Variants in ATM observed in about 807,000 individuals in gnomAD.
The protein encoded by ATM is ATM serine/threonine kinase, also known as serine-protein kinase ATM.
Under a neutral mutation model 387.0 loss-of-function variants are expected in ATM, and 308 were observed. The observed-to-expected ratio is 0.80, with a 90% CI of 0.73 to 0.87. ATM has a LOEUF of 0.87. Ranked by LOEUF, ATM falls within the 40% of genes least tolerant of loss-of-function variation. ATM has a pLI of 0.00. For synonymous variants in ATM, 1,156 were observed against 1,187.3 expected (o/e 0.97, Z 0.54); for missense variants, 3,312 against 3,560.9 (o/e 0.93, Z 1.78).
rs145688268 is a variant in ATM at position 108,266,379 on chromosome 11, G to A, written c.2467-792G>A. 6.9e-3 allele frequency among the ~76,000 whole-genome samples: 1,047 copies of A among 151,256 alleles called. 16 individuals carry two copies. The highest frequency in any genetic ancestry group is 0.023 in the African/African-American group (968 of 41,198). ...AAATCATCATTCTCAGTAAACTGTCGCAAGAAGAAAAAACCAAACACCGCA... is the reference window on the plus strand; with the variant it reads ...AAATCATCATTCTCAGTAAACTGTCACAAGAAGAAAAAACCAAACACCGCA... On this transcript the variant is annotated intron_variant, in intron 16 of 62. Coordinates refer to ENST00000675843, the MANE Select transcript of ATM (RefSeq NM_000051.4).
At chr11:108,335,381 A>C (rs963710122) in intron 55 of ATM, 12 of 970,548 alleles carry the variant, frequency 1.2e-5, no homozygotes, top group Non-Finnish European at 1.7e-5. Context: ...GCTTCTTATG[A>C]AAAAAAATAC....
rs549840997 is a variant in ATM at position 108,241,191 on chromosome 11, A to G, written c.497-2762A>G. 5.3e-5 allele frequency among the ~76,000 whole-genome samples: 8 copies of G among 152,206 alleles called. 1 individual carries two copies. The South Asian group carries it at 1.7e-3, about 31-fold the overall frequency. ...CCCTGGGAGATCTTCAGGGACATGC[A>G]CAGAGCTTTCATCTCCTATGATAAT... On this transcript the variant is annotated intron_variant, in intron 5 of 62. Transcript: ENST00000675843.
At chr11:108,234,192 C>T (rs913376891) in intron 4 of ATM, among the ~76,000 whole-genome samples, 2 of 152,038 alleles carry the variant, frequency 1.3e-5, no homozygotes, top group Non-Finnish European at 2.9e-5. Flanking sequence ...CTGGACAATG[C>T]CTAAAATTAT....
At position 108,363,493 on chromosome 11, in the gene ATM, C is replaced by A. The variant is rs571454335; in HGVS notation, c.8851-1589C>A. ...GCTTAGCCAAGAGCAGTTTTGTCCCCTAGAGGACAGTTGGCAATGTCTGGA... is the reference window on the plus strand; with the variant it reads ...GCTTAGCCAAGAGCAGTTTTGTCCCATAGAGGACAGTTGGCAATGTCTGGA... On this transcript the variant is annotated intron_variant, in intron 61 of 62. Coordinates refer to ENST00000675843, the MANE Select transcript of ATM (RefSeq NM_000051.4). Among the ~76,000 whole-genome samples, 382 of 152,284 alleles carry A rather than the reference C, an allele frequency of 2.5e-3. 1 individual carries two copies. The highest frequency in any genetic ancestry group is 8.8e-3 in the African/African-American group (365 of 41,552).
In ATM at chr11:108,316,444, A is replaced by G. The variant is rs533577387; in HGVS notation, c.6198+331A>G. ...CCAGGTAGTGTACTTACTGCTTCAC[A>G]TGGAAAATCTTATGTAAACTATTTC... On this transcript the variant is annotated intron_variant, in intron 42 of 62. Coordinates refer to ENST00000675843, the MANE Select transcript of ATM (RefSeq NM_000051.4). Among the ~76,000 whole-genome samples, 14 of 152,276 alleles carry G rather than the reference A, an allele frequency of 9.2e-5. 1 individual carries two copies. Among genetic ancestry groups the G allele is most frequent in the Admixed American group, 2.6e-4 (4 of 15,300 alleles).
At chr11:108,317,652 T>TATATATACACACACACACACAC (rs1399501257) in intron 43 of ATM, 131 bp downstream of exon 43, 4 of 117,466 alleles carry the variant, frequency 3.4e-5, no homozygotes, top group South Asian at 2.9e-4. Flanking sequence ...TATATATATA[T>TATATATACACACACACACACAC]ACACACACAC....
intron 5 of ATM, among the ~76,000 whole-genome samples, chr11:108,238,863 G>A (rs1357296068): frequency 6.6e-6 from 1 of 152,036 alleles, no homozygotes; most frequent in Non-Finnish European, 1.5e-5. Context: ...GTGTACAGTT[G>A]TGTAGTATTA....
At chr11:108,319,637 A>G (rs1396102595) in intron 43 of ATM, among the ~76,000 whole-genome samples, 1 of 152,214 alleles carries the variant, frequency 6.6e-6, no homozygotes, top group Non-Finnish European at 1.5e-5. Context: ...ATGAGAGTAA[A>G]GACCTGATCT....
intron 60 of ATM, 134 bp from the exon 61 acceptor site, chr11:108,354,677 T>C (rs1213854326): frequency 7.3e-6 from 6 of 822,728 alleles, no homozygotes; most frequent in Non-Finnish European, 1.3e-5. Context: ...CCAAGTATTA[T>C]GCTATTTTGA....
Position 108,263,248 on chromosome 11 carries a change from C to T in ATM, c.2467-3923C>T, listed in dbSNP as rs371933573. 5.8e-3 allele frequency among the ~76,000 whole-genome samples: 815 copies of T among 140,458 alleles called. 18 individuals carry two copies. In the East Asian group the frequency reaches 0.1, roughly 18 times the overall value. The allele number at this position is 140,458 out of a possible 152,430, so 92.1% of individuals were successfully genotyped here. On this transcript the variant is annotated intron_variant, in intron 16 of 62. Coordinates refer to ENST00000675843, the MANE Select transcript of ATM (RefSeq NM_000051.4). The stretch of plus-strand genomic sequence containing the variant: ...ACATACTGGGAAGTAAAGCTCTCCT[C>T]AGCAAATGTAAAAGAACAGAAATTA...
At chr11:108,310,417 A>G in intron 39 of ATM, 102 bp downstream of exon 39, 1 of 1,061,202 alleles carries the variant, frequency 9.4e-7, no homozygotes, top group Non-Finnish European at 1.3e-6. Context: ...CCCATTTAAA[A>G]GATATTTTAG....
rs879254240 is a variant in ATM, at chr11:108,343,283, G to T, written c.8330G>T (p.Gly2777Val). The part of the protein sequence containing the change: ...LEWCTGTVPI[G>V]EFLVNNEDGA... ...TGGTGCACAGGAACTGTCCCCATTGGTGAATTTCTTGTTAACAATGAAGAT... is the reference window on the plus strand; with the variant it reads ...TGGTGCACAGGAACTGTCCCCATTGTTGAATTTCTTGTTAACAATGAAGAT... The change falls in exon 57 of 63, where the codon GGT (glycine) becomes GTT (valine). Residue 2777 changes from glycine (G) to valine (V), a missense_variant. This residue lies in a region of ATM where 1,405 missense variants were observed against 1,604.4 expected (regional missense o/e 0.88). Coordinates refer to ENST00000675843, the MANE Select transcript of ATM (RefSeq NM_000051.4). 1 of 1,614,020 alleles carries T rather than the reference G, an allele frequency of 6.2e-7. No homozygotes were observed.
chr11:108,256,284 A>T lies in ATM; in HGVS notation c.2194A>T (p.Met732Leu), dbSNP rs1415360560. The change falls in exon 14 of 63, where the codon ATG becomes TTG. Residue 732 changes from methionine to leucine, a missense_variant. Physicochemically the swap from Met to Leu is conservative, Grantham distance 15. Coordinates refer to ENST00000675843, the MANE Select transcript of ATM (RefSeq NM_000051.4). ...GGGTGTCCTTGGCTGCTACTGTTAC[A>T]TGGGTGTAATAGCTGAAGAGGAAGC... ...LVGVLGCYCY[M>L]GVIAEEEAYK... 2 of 1,611,248 alleles carry T rather than the reference A, an allele frequency of 1.2e-6. No homozygotes were observed. The highest frequency in any genetic ancestry group is 1.3e-5 in the African/African-American group (1 of 74,882).
intron 61 of ATM, among the ~76,000 whole-genome samples, chr11:108,357,965 G>A (rs2090225406): frequency 6.7e-6 from 1 of 149,850 alleles, no homozygotes; most frequent in Non-Finnish European, 1.5e-5. Flanking sequence ...GACGAGCTGA[G>A]AGAAGAAGGC....
At chr11:108,339,622 A>G (rs1043791772) in intron 56 of ATM, among the ~76,000 whole-genome samples, 1 of 152,076 alleles carries the variant, frequency 6.6e-6, no homozygotes, top group African/African-American at 2.4e-5. Context: ...TTGAAATTCA[A>G]ATTCAGCTCT....
intron 13 of ATM, among the ~76,000 whole-genome samples, chr11:108,255,513 C>A (rs374330257): frequency 1.3e-5 from 2 of 149,852 alleles, no homozygotes; most frequent in South Asian, 2.1e-4. Flanking sequence ...GCAACCTTCG[C>A]CTCCTGGGTT....
At chr11:108,335,438 T>C (rs1158961156) in intron 55 of ATM, 2 of 547,120 alleles carry the variant, frequency 3.7e-6, no homozygotes, top group East Asian at 9.0e-5. Context: ...GTTGACGTCC[T>C]TTGCATCAGT....
chr11:108,238,099 G>A (rs1401645815), intron 5 of ATM, among the ~76,000 whole-genome samples: 2 of 151,554 alleles, frequency 1.3e-5, no homozygotes, highest in Admixed American at 1.3e-4. Flanking sequence ...GCTAATTTTT[G>A]TATTTTTAGT....
chr11:108,345,998 G>A, intron 58 of ATM, 90 bp downstream of exon 58: 8 of 1,451,578 alleles, frequency 5.5e-6, no homozygotes, highest in Non-Finnish European at 7.7e-6. Flanking sequence ...TACATTCTGA[G>A]TTGCAGGGGG....
Sources: allele counts gnomAD v4.1 joint callset (sites outside exome capture counted in the v4.1 genomes callset), GRCh38; gene constraint gnomAD v4.1.1; regional missense constraint gnomAD v4.1.1; transcripts MANE v1.5; gene names NCBI Gene and HGNC (gene_info 2026-07-23, HGNC 2026-07-21).